Variants in GRM5 observed in about 807,000 individuals in gnomAD.
GRM5 encodes the protein metabotropic glutamate receptor 5.
GRM5 carries 19 observed loss-of-function variants against 83.1 expected under a neutral mutation model. The observed-to-expected ratio is 0.23, with a 90% CI of 0.16 to 0.34. GRM5 has a LOEUF of 0.34. GRM5 is among the 10% of genes least tolerant of loss of function. GRM5 has a pLI of 1.00. For missense variants in GRM5, 1,160 were observed against 1,588.3 expected (o/e 0.73, Z 4.58); for synonymous variants, 675 against 633.6 (o/e 1.07, Z -0.98).
chr11:88,638,372 T>C (rs1005845932), intron 4 of GRM5, among the ~76,000 whole-genome samples: 14 of 152,146 alleles, frequency 9.2e-5, no homozygotes, highest in Non-Finnish European at 1.8e-4. Context: ...TATATTTACA[T>C]CAGTGTTCAT....
intron 3 of GRM5, among the ~76,000 whole-genome samples, chr11:88,687,348 G>A (rs1397041353): frequency 6.8e-6 from 1 of 147,832 alleles, no homozygotes; most frequent in Non-Finnish European, 1.5e-5. Flanking sequence ...ATGGTGGCTG[G>A]TGCCTGTAGT....
chr11:88,575,723 A>G (rs1454508451), intron 7 of GRM5, among the ~76,000 whole-genome samples: 1 of 152,214 alleles, frequency 6.6e-6, no homozygotes, highest in Non-Finnish European at 1.5e-5. Flanking sequence ...GTTTTCTAGC[A>G]TAGAAAATGT....
At chr11:88,649,932 C>T (rs1295356757) in intron 4 of GRM5, among the ~76,000 whole-genome samples, 1 of 151,638 alleles carries the variant, frequency 6.6e-6, no homozygotes, top group East Asian at 1.9e-4. Context: ...TAACACAGTC[C>T]TGTGGTATAC....
rs1944362329 is a variant in GRM5 at position 88,850,016 on chromosome 11, G to A, written c.801C>T (p.His267=). 1.2e-6 allele frequency: 2 copies of A among 1,613,626 alleles called. No homozygotes were observed. Among genetic ancestry groups the A allele is most frequent in the Non-Finnish European group, 8.5e-7 (1 of 1,179,558 alleles). ...FDKLLKKLTS[H]LPKARVVACF... ...AGGCCACCACCCGGGCCTTGGGCAA[G>A]TGACTTGTGAGCTTCTTCAGCAGCT... The change falls in exon 3 of 10, where the codon CAC becomes CAT. Residue 267 remains histidine (H), a synonymous_variant. Transcript: ENST00000305447.
At chr11:88,960,239 A>C (rs1181394858) in intron 2 of GRM5, among the ~76,000 whole-genome samples, 1 of 152,212 alleles carries the variant, frequency 6.6e-6, no homozygotes, top group Non-Finnish European at 1.5e-5. Flanking sequence ...AGAATGAATG[A>C]ATTTGGGAAT....
At chr11:88,586,490 G>C (rs1943318576) in intron 7 of GRM5, among the ~76,000 whole-genome samples, 1 of 152,158 alleles carries the variant, frequency 6.6e-6, no homozygotes, top group Non-Finnish European at 1.5e-5. Context: ...TGACCCAAAG[G>C]TAACTTGAGC....
chr11:88,788,273 G>A (rs1943110991), intron 3 of GRM5, among the ~76,000 whole-genome samples: 1 of 152,184 alleles, frequency 6.6e-6, no homozygotes, highest in African/African-American at 2.4e-5. Flanking sequence ...AAGCTAGGTG[G>A]TGTATTTTTA....
At chr11:88,869,954 AT>A (rs1175100921) in intron 2 of GRM5, among the ~76,000 whole-genome samples, 1 of 151,570 alleles carries the variant, frequency 6.6e-6, no homozygotes, top group East Asian at 1.9e-4. Flanking sequence ...CTTGATTTTA[AT>A]TTCCATAACT....
intron 3 of GRM5, among the ~76,000 whole-genome samples, chr11:88,739,231 C>T (rs145794897): frequency 7.6e-4 from 116 of 152,094 alleles, no homozygotes; most frequent in African/African-American, 2.5e-3. Context: ...CTCACTAATG[C>T]GTAATTCTTA....
At chr11:88,581,164 TC>T (rs1169943525) in intron 7 of GRM5, among the ~76,000 whole-genome samples, 11 of 152,126 alleles carry the variant, frequency 7.2e-5, no homozygotes, top group Non-Finnish European at 1.5e-4. Flanking sequence ...GTTAAAACTT[TC>T]CCCAAATTTT....
intron 8 of GRM5, among the ~76,000 whole-genome samples, chr11:88,543,189 C>T (rs1942309968): frequency 6.6e-6 from 1 of 152,244 alleles, no homozygotes; most frequent in African/African-American, 2.4e-5. Flanking sequence ...GCTTGGCACA[C>T]TGTGCACAAC....
intron 1 of GRM5, among the ~76,000 whole-genome samples, chr11:89,061,629 A>G (rs1358886413): frequency 3.9e-5 from 6 of 152,220 alleles, no homozygotes; most frequent in African/African-American, 1.4e-4. Flanking sequence ...GTTGGTTATA[A>G]TAGATATGAG....
At chr11:89,010,991 T>G (rs1940680127) in intron 2 of GRM5, among the ~76,000 whole-genome samples, 1 of 152,228 alleles carries the variant, frequency 6.6e-6, no homozygotes, top group African/African-American at 2.4e-5. Flanking sequence ...AAGCTATATT[T>G]AATTTAATGT....
chr11:88,703,046 CT>C (rs1392967669), intron 3 of GRM5, among the ~76,000 whole-genome samples: 1 of 151,628 alleles, frequency 6.6e-6, no homozygotes, highest in Non-Finnish European at 1.5e-5. Flanking sequence ...GATATAATAT[CT>C]TGTTTGACTT....
At chr11:88,867,902 A>T (rs1157195041) in intron 2 of GRM5, among the ~76,000 whole-genome samples, 1 of 151,938 alleles carries the variant, frequency 6.6e-6, no homozygotes, top group African/African-American at 2.4e-5. Context: ...GCTAACTAAT[A>T]TAGTCCTCTG....
intron 7 of GRM5, among the ~76,000 whole-genome samples, chr11:88,569,144 A>G (rs1200166786): frequency 1.3e-5 from 2 of 152,184 alleles, no homozygotes; most frequent in African/African-American, 4.8e-5. Context: ...CCATTGGTTG[A>G]GCTTCTGACT....
At chr11:88,736,027 A>G (rs1235630824) in intron 3 of GRM5, among the ~76,000 whole-genome samples, 2 of 152,056 alleles carry the variant, frequency 1.3e-5, no homozygotes, top group Non-Finnish European at 2.9e-5. Context: ...AAGTTAGACA[A>G]TCATTTGTGG....
chr11:88,587,043 T>C (rs565842134), intron 7 of GRM5, among the ~76,000 whole-genome samples: 33 of 152,336 alleles, frequency 2.2e-4, no homozygotes, highest in Non-Finnish European at 4.0e-4. Flanking sequence ...ATGTCAGGCA[T>C]TGTATTAGGT....
intron 3 of GRM5, among the ~76,000 whole-genome samples, chr11:88,693,782 T>C (rs1357635332): frequency 1.3e-5 from 2 of 152,144 alleles, no homozygotes; most frequent in Non-Finnish European, 1.5e-5. Flanking sequence ...CCTCCTCCTC[T>C]GAGAAAAGCC....
Sources: gnomAD v4.1 joint callset for allele counts (sites outside exome capture counted in the v4.1 genomes callset) on GRCh38, gnomAD v4.1.1 for gene constraint, MANE v1.5 for transcripts, NCBI Gene and HGNC (gene_info 2026-07-23, HGNC 2026-07-21) for gene names.